Variants in PCDH15 observed in about 807,000 individuals in gnomAD.
PCDH15 encodes protocadherin-15.
In PCDH15, 129 loss-of-function variants were observed where a neutral mutation model predicts 178.5. The ratio of observed to expected loss-of-function variants is 0.72; its 90% CI spans 0.63 to 0.84. The LOEUF (loss-of-function observed/expected upper bound fraction) is 0.84, where lower values mean the gene tolerates loss of function less well. PCDH15 is among the 40% of genes least tolerant of loss of function. PCDH15 has a pLI of 0.00. For synonymous variants in PCDH15, 800 were observed against 732.0 expected (o/e 1.09, Z -1.50); for missense variants, 2,230 against 2,099.9 (o/e 1.06, Z -1.21).
intron 21 of PCDH15, among the ~76,000 whole-genome samples, chr10:53,989,894 T>G (rs1295648660): frequency 6.6e-6 from 1 of 152,156 alleles, no homozygotes; most frequent in East Asian, 1.9e-4. Context: ...AAAACTATAT[T>G]ATCTGGAAGG....
intron 2 of PCDH15, among the ~76,000 whole-genome samples, chr10:55,454,107 T>C (rs1034627445): frequency 3.1e-4 from 47 of 152,218 alleles, no homozygotes; most frequent in African/African-American, 1.1e-3. Context: ...ATATTATGGA[T>C]AGTTATATTT....
At chr10:55,370,443 C>T (rs779062397) in intron 2 of PCDH15, among the ~76,000 whole-genome samples, 1 of 151,984 alleles carries the variant, frequency 6.6e-6, no homozygotes, top group African/African-American at 2.4e-5. Context: ...TTTTGACAGC[C>T]AAATTGAAAT....
intron 2 of PCDH15, among the ~76,000 whole-genome samples, chr10:55,591,870 C>T (rs1842848513): frequency 6.6e-6 from 1 of 152,040 alleles, no homozygotes; most frequent in Admixed American, 6.6e-5. Context: ...TTATTAAATA[C>T]TAAGATATAC....
intron 3 of PCDH15, among the ~76,000 whole-genome samples, chr10:54,820,681 G>A (rs565954115): frequency 1.3e-5 from 2 of 152,080 alleles, no homozygotes; most frequent in East Asian, 1.9e-4. Flanking sequence ...AAAGCAATGC[G>A]TAGTTAAAGA....
chr10:55,095,496 T>C (rs1842427509), intron 2 of PCDH15, among the ~76,000 whole-genome samples: 2 of 152,048 alleles, frequency 1.3e-5, no homozygotes, highest in Admixed American at 6.6e-5. Flanking sequence ...TATTCTCAAA[T>C]ACAACTAAAA....
In PCDH15 at chr10:55,503,669, T is replaced by G. The variant is rs1204646484; in HGVS notation, c.-156+123956A>C. ...AAAAGATAATCAGATAATAAGCATA[T>G]GAAAAGGTGCTCCATATCATATGTC... is the stretch of plus-strand genomic sequence containing the variant. On this transcript the variant is annotated intron_variant, in intron 2 of 5. Transcript: ENST00000613346. Among the ~76,000 whole-genome samples the G allele has an allele frequency of 4.0e-5, 6 of 151,454 alleles. No homozygotes were observed. The South Asian group carries it at 1.0e-3, about 26-fold the overall frequency.
chr10:54,222,527 T>C (rs1254815318), intron 9 of PCDH15, among the ~76,000 whole-genome samples: 1 of 152,236 alleles, frequency 6.6e-6, no homozygotes, highest in Non-Finnish European at 1.5e-5. Flanking sequence ...ATTTTCATTG[T>C]TGAGTAATGT....
chr10:54,311,209 T>G (rs2060883086), intron 8 of PCDH15, among the ~76,000 whole-genome samples: 1 of 152,176 alleles, frequency 6.6e-6, no homozygotes, highest in East Asian at 1.9e-4. Context: ...CAACTGATGT[T>G]GAAATACTGA....
chr10:54,019,005 T>C (rs1417689601), intron 20 of PCDH15, among the ~76,000 whole-genome samples: 1 of 152,106 alleles, frequency 6.6e-6, no homozygotes, highest in Non-Finnish European at 1.5e-5. Flanking sequence ...GTCATTGATA[T>C]ACTCTATAGG....
At chr10:54,663,449 C>T (rs1440177398) in intron 2 of PCDH15, among the ~76,000 whole-genome samples, 11 of 148,058 alleles carry the variant, frequency 7.4e-5, no homozygotes, top group Non-Finnish European at 1.5e-5. Flanking sequence ...ATATATATAA[C>T]ATATTATATA....
At chr10:55,433,565 C>G (rs1838943978) in intron 2 of PCDH15, among the ~76,000 whole-genome samples, 2 of 151,966 alleles carry the variant, frequency 1.3e-5, no homozygotes, top group African/African-American at 4.8e-5. Context: ...TATCCCTGAA[C>G]CTAAAATAAA....
At chr10:54,942,831 G>A (rs1838097560) in intron 2 of PCDH15, among the ~76,000 whole-genome samples, 1 of 151,988 alleles carries the variant, frequency 6.6e-6, no homozygotes, top group Non-Finnish European at 1.5e-5. Flanking sequence ...TGCTGCTTCT[G>A]TTATTGTCAT....
chr10:55,474,085 G>A (rs966034407), intron 2 of PCDH15, among the ~76,000 whole-genome samples: 3 of 152,082 alleles, frequency 2.0e-5, no homozygotes, highest in Non-Finnish European at 2.9e-5. Flanking sequence ...TTCATGTTGC[G>A]TTGAAGGTTA....
At chr10:54,940,924 C>T (rs557579321) in intron 2 of PCDH15, among the ~76,000 whole-genome samples, 1 of 152,150 alleles carries the variant, frequency 6.6e-6, no homozygotes, top group East Asian at 1.9e-4. Context: ...AAGTGTGTCT[C>T]CTATAGACAA....
intron 2 of PCDH15, among the ~76,000 whole-genome samples, chr10:55,352,371 G>A (rs1287903004): frequency 2.6e-5 from 4 of 152,088 alleles, no homozygotes; most frequent in African/African-American, 4.8e-5. Context: ...AAACATGAAC[G>A]ATGCATTTGG....
chr10:55,415,837 A>G (rs1838467434), intron 2 of PCDH15, among the ~76,000 whole-genome samples: 1 of 151,730 alleles, frequency 6.6e-6, no homozygotes, highest in African/African-American at 2.4e-5. Flanking sequence ...ATAATCTGCT[A>G]ATTTAATGAG....
chr10:54,025,491 T>C (rs886676747), intron 18 of PCDH15, among the ~76,000 whole-genome samples: 2 of 143,170 alleles, frequency 1.4e-5, no homozygotes, highest in African/African-American at 5.5e-5. Flanking sequence ...TCATGACACA[T>C]TTCCACCATT....
intron 2 of PCDH15, among the ~76,000 whole-genome samples, chr10:55,613,853 A>T (rs888210056): frequency 1.3e-5 from 2 of 152,184 alleles, no homozygotes; most frequent in Non-Finnish European, 2.9e-5. Flanking sequence ...TAATGTCGGT[A>T]ATCCCAGCAC....
At chr10:55,581,059 A>C (rs1842604607) in intron 2 of PCDH15, among the ~76,000 whole-genome samples, 1 of 152,184 alleles carries the variant, frequency 6.6e-6, no homozygotes, top group African/African-American at 2.4e-5. Context: ...GAATCCAAAA[A>C]TGTACTAAAA....
Sources: allele counts gnomAD v4.1 joint callset (sites outside exome capture counted in the v4.1 genomes callset), GRCh38; gene constraint gnomAD v4.1.1; transcripts MANE v1.5; gene names NCBI Gene and HGNC (gene_info 2026-07-23, HGNC 2026-07-21).